The following ZFHX3 variants were observed in gnomAD, a reference collection of about 807,000 sequenced individuals.
ZFHX3 encodes the protein zinc finger homeobox 3.
In ZFHX3, 42 loss-of-function variants were observed where a neutral mutation model predicts 279.1. The observed-to-expected ratio is 0.15, with a 90% CI of 0.12 to 0.19. ZFHX3 has a LOEUF of 0.19. ZFHX3 is among the 10% of genes least tolerant of loss of function. ZFHX3 has a pLI of 1.00. For synonymous variants in ZFHX3, 2,293 were observed against 1,957.8 expected (o/e 1.17, Z -4.52); for missense variants, 4,981 against 4,754.0 (o/e 1.05, Z -1.40).
At chr16:73,849,794 G>C (rs560873005) in intron 1 of ZFHX3, among the ~76,000 whole-genome samples, 1 of 152,196 alleles carries the variant, frequency 6.6e-6, no homozygotes, top group Non-Finnish European at 1.5e-5. Flanking sequence ...GTACGATGGC[G>C]TGATCTCAGC....
At chr16:73,686,590 G>A (rs1334145359) in intron 1 of ZFHX3, among the ~76,000 whole-genome samples, 5 of 152,176 alleles carry the variant, frequency 3.3e-5, no homozygotes, top group Admixed American at 3.3e-4. Flanking sequence ...CTCTGGAGCT[G>A]CCCAGAGTGA....
At chr16:73,309,855 CT>C (rs1320848657) in intron 4 of ZFHX3, among the ~76,000 whole-genome samples, 1 of 147,186 alleles carries the variant, frequency 6.8e-6, no homozygotes, top group Non-Finnish European at 1.5e-5. Context: ...AGTTAAAATT[CT>C]GTAAAACTTT....
At chr16:73,546,134 T>C (rs1038560020) in intron 2 of ZFHX3, among the ~76,000 whole-genome samples, 6 of 152,222 alleles carry the variant, frequency 3.9e-5, no homozygotes, top group Non-Finnish European at 1.5e-5. Flanking sequence ...AATGTACTTA[T>C]GGTACATTGA....
chr16:73,250,369 G>T (rs1263208285), intron 5 of ZFHX3, among the ~76,000 whole-genome samples: 1 of 152,122 alleles, frequency 6.6e-6, no homozygotes, highest in Non-Finnish European at 1.5e-5. Flanking sequence ...TAGCCGTTCA[G>T]TTTTTGTGGA....
intron 2 of ZFHX3, among the ~76,000 whole-genome samples, chr16:73,616,630 A>T (rs939607385): frequency 6.6e-6 from 1 of 152,034 alleles, no homozygotes; most frequent in African/African-American, 2.4e-5. Flanking sequence ...ATGCACATGT[A>T]TAAAACGCAT....
chr16:73,205,170 A>G (rs2011752378), intron 5 of ZFHX3, among the ~76,000 whole-genome samples: 1 of 152,160 alleles, frequency 6.6e-6, no homozygotes, highest in South Asian at 2.1e-4. Context: ...CCCAAAATGT[A>G]GGTATCTAAT....
chr16:73,124,262 C>T (rs112768541), intron 7 of ZFHX3, among the ~76,000 whole-genome samples: 2,574 of 152,198 alleles, frequency 0.017, 74 homozygotes, highest in African/African-American at 0.058. Context: ...GCACTGGGGA[C>T]GGCAGATCTG....
intron 2 of ZFHX3, among the ~76,000 whole-genome samples, chr16:73,521,709 T>A (rs779087615): frequency 6.6e-6 from 1 of 152,046 alleles, no homozygotes; most frequent in East Asian, 1.9e-4. Context: ...AAAATTTAAA[T>A]CTAAAATAAT....
chr16:73,414,494 C>T (rs557702455), intron 3 of ZFHX3, among the ~76,000 whole-genome samples: 1 of 152,348 alleles, frequency 6.6e-6, no homozygotes, highest in Admixed American at 6.5e-5. Flanking sequence ...CCCTGTGATT[C>T]TCCAACTTAT....
chr16:72,926,985 G>T (rs1959485207), intron 3 of ZFHX3, among the ~76,000 whole-genome samples: 1 of 152,218 alleles, frequency 6.6e-6, no homozygotes, highest in Non-Finnish European at 1.5e-5. Flanking sequence ...AGAGAACAGG[G>T]TGTTAGGAAC....
intron 1 of ZFHX3, among the ~76,000 whole-genome samples, chr16:72,995,094 A>G (rs972685220): frequency 4.6e-5 from 7 of 152,070 alleles, no homozygotes; most frequent in African/African-American, 1.7e-4. Flanking sequence ...CAGGGTTCCC[A>G]CTCCTACAGC....
chr16:72,897,914 C>T (rs2038937308), intron 3 of ZFHX3, among the ~76,000 whole-genome samples: 1 of 152,164 alleles, frequency 6.6e-6, no homozygotes, highest in Non-Finnish European at 1.5e-5. Flanking sequence ...AAGTCCACAG[C>T]CGCCAAGCTA....
intron 1 of ZFHX3, among the ~76,000 whole-genome samples, chr16:73,863,466 T>C (rs1235485889): frequency 2.0e-5 from 3 of 152,130 alleles, no homozygotes; most frequent in East Asian, 1.9e-4. Context: ...AAAGCCACCC[T>C]TGTGTCCAAA....
At chr16:73,748,906 G>A (rs2053729830) in intron 1 of ZFHX3, among the ~76,000 whole-genome samples, 1 of 152,044 alleles carries the variant, frequency 6.6e-6, no homozygotes, top group Non-Finnish European at 1.5e-5. Context: ...TCCTGCCTCA[G>A]CCTCCTGAGT....
At chr16:73,671,561 G>A (rs2052904311) in intron 2 of ZFHX3, among the ~76,000 whole-genome samples, 1 of 152,174 alleles carries the variant, frequency 6.6e-6, no homozygotes, top group East Asian at 1.9e-4. Context: ...TAACAAATTG[G>A]TTTTATTTCT....
At chr16:73,246,429 A>T (rs928078341) in intron 5 of ZFHX3, among the ~76,000 whole-genome samples, 2 of 152,158 alleles carry the variant, frequency 1.3e-5, no homozygotes, top group Non-Finnish European at 2.9e-5. Flanking sequence ...GTCTGTGGGT[A>T]ATGGTTCAGA....
rs530815052 is a variant in ZFHX3 at position 73,604,878 on chromosome 16, T to C, written c.-1547+75302A>G. 1.3e-5 allele frequency among the ~76,000 whole-genome samples: 2 copies of C among 152,318 alleles called. 1 individual carries two copies. Among genetic ancestry groups the C allele is most frequent in the Admixed American group, 1.3e-4 (2 of 15,296 alleles). On this transcript the variant is annotated intron_variant, in intron 2 of 17. Coordinates refer to the ZFHX3 transcript ENST00000641206. ...TTTGGTCACGATGTCTGGACCTTTT[T>C]TTCAATCTCTACTGGGGTAGACTGA... is the stretch of plus-strand genomic sequence containing the variant.
chr16:73,084,442 C>T (rs1263201653), intron 8 of ZFHX3, among the ~76,000 whole-genome samples: 3 of 150,828 alleles, frequency 2.0e-5, no homozygotes, highest in Non-Finnish European at 2.9e-5. Flanking sequence ...TATACAACAA[C>T]AGCAAACAAT....
chr16:72,999,019 C>A (rs1432443227), intron 1 of ZFHX3, among the ~76,000 whole-genome samples: 1 of 152,230 alleles, frequency 6.6e-6, no homozygotes, highest in Admixed American at 6.5e-5. Context: ...TAAACATCTC[C>A]TCATTCTTAA....
Sources: allele counts gnomAD v4.1 joint callset (sites outside exome capture counted in the v4.1 genomes callset), GRCh38; gene constraint gnomAD v4.1.1; transcripts MANE v1.5; gene names NCBI Gene and HGNC (gene_info 2026-07-23, HGNC 2026-07-21).